Variants in PLEKHG1 observed in about 807,000 individuals in gnomAD.
The protein encoded by PLEKHG1 is pleckstrin homology and RhoGEF domain containing G1, also known as pleckstrin homology domain-containing family G member 1.
A neutral mutation model predicts 100.8 loss-of-function variants in PLEKHG1; 44 were observed. The observed-to-expected ratio is 0.44, with a 90% confidence interval of 0.34 to 0.56. The LOEUF (loss-of-function observed/expected upper bound fraction) is 0.56. Among genes scored for constraint, PLEKHG1 ranks in the 20% least tolerant of loss-of-function variants. The probability of loss-of-function intolerance (pLI) is 0.01; values close to 1 mark genes in which losing one functional copy is unlikely to be tolerated. For synonymous variants in PLEKHG1, 640 were observed against 662.5 expected (o/e 0.97, Z 0.52); for missense variants, 1,545 against 1,720.9 (o/e 0.90, Z 1.81).
At chr6:150,798,883 G>A (rs1431098473) in intron 5 of PLEKHG1, among the ~76,000 whole-genome samples, 2 of 152,076 alleles carry the variant, frequency 1.3e-5, no homozygotes, top group African/African-American at 2.4e-5. Flanking sequence ...TGGGATTACC[G>A]GCACATGCCA....
At chr6:150,660,587 T>C (rs1779145004) in intron 3 of PLEKHG1, among the ~76,000 whole-genome samples, 1 of 152,230 alleles carries the variant, frequency 6.6e-6, no homozygotes, top group Non-Finnish European at 1.5e-5. Context: ...ATGTGGCATC[T>C]TTCAGTTGAC....
intron 2 of PLEKHG1, among the ~76,000 whole-genome samples, chr6:150,759,468 G>A (rs1013103311): frequency 2.0e-5 from 3 of 152,084 alleles, no homozygotes; most frequent in Non-Finnish European, 4.4e-5. Context: ...CTGTGTTAAG[G>A]TATAAAACCT....
chr6:150,679,921 C>CAGTG (rs894888387), intron 3 of PLEKHG1, among the ~76,000 whole-genome samples: 2 of 152,108 alleles, frequency 1.3e-5, no homozygotes, highest in African/African-American at 4.8e-5. Flanking sequence ...TGTGGAGAGA[C>CAGTG]AGTGAGCTTT....
chr6:150,819,908 T>C (rs1776202663), intron 12 of PLEKHG1, 134 bp downstream of exon 13: 1 of 649,768 alleles, frequency 1.5e-6, no homozygotes, highest in Admixed American at 2.3e-5. Flanking sequence ...TGCGGCTGCC[T>C]TAAGATGGGA....
intron 2 of PLEKHG1, among the ~76,000 whole-genome samples, chr6:150,647,408 T>C (rs1260368785): frequency 2.0e-5 from 3 of 152,230 alleles, no homozygotes; most frequent in African/African-American, 7.2e-5. Context: ...TTTTAGACAC[T>C]GTAGTTAAAA....
intron 2 of PLEKHG1, among the ~76,000 whole-genome samples, chr6:150,649,822 T>C (rs1199393038): frequency 3.9e-5 from 6 of 151,908 alleles, no homozygotes; most frequent in African/African-American, 1.2e-4. Context: ...CCATCCTGGC[T>C]AACACAGTGA....
rs141591325 is a variant in PLEKHG1, at chr6:150,666,945, A to G, written c.-99+16159A>G. On this transcript the variant is annotated intron_variant, in intron 3 of 3. Coordinates refer to the PLEKHG1 transcript ENST00000367326. The stretch of plus-strand genomic sequence containing the variant: ...CCGGCTAATTTTTTTATATTTTAGT[A>G]TATGGAGTTTCACCGCGTTAGCCAG... 6.2e-3 allele frequency among the ~76,000 whole-genome samples: 948 copies of G among 152,122 alleles called. 10 individuals are homozygous for G. The highest frequency in any genetic ancestry group is 0.021 in the African/African-American group (882 of 41,482).
chr6:150,711,295 C>T (rs1334155759), intron 3 of PLEKHG1, among the ~76,000 whole-genome samples: 3 of 152,126 alleles, frequency 2.0e-5, no homozygotes, highest in African/African-American at 7.2e-5. Context: ...CTTTGACCTC[C>T]CTGCACCGCT....
intron 9 of PLEKHG1, 49 bp downstream of exon 10, chr6:150,809,525 G>A (rs377233860): frequency 2.1e-5 from 32 of 1,525,800 alleles, no homozygotes; most frequent in Non-Finnish European, 2.6e-5. Flanking sequence ...GTGTAATGAT[G>A]AGTGCTGTGT....
chr6:150,813,029 G>A (rs1279966753), intron 10 of PLEKHG1, among the ~76,000 whole-genome samples: 3 of 152,140 alleles, frequency 2.0e-5, no homozygotes. Context: ...TTGCTGGCCG[G>A]GCGCGGTGGC....
exon 1 of PLEKHG1, chr6:150,721,141 G>A: frequency 9.1e-6 from 9 of 985,350 alleles, no homozygotes; most frequent in Non-Finnish European, 1.1e-5. Context: ...TCTTTTACCT[G>A]ACTGAGGTCA....
chr6:150,753,771 A>C (rs535490398), intron 2 of PLEKHG1, among the ~76,000 whole-genome samples: 1 of 152,344 alleles, frequency 6.6e-6, no homozygotes, highest in African/African-American at 2.4e-5. Context: ...TGTCATCTTC[A>C]AGAGGTGGTG....
chr6:150,655,355 C>T (rs1369829524), intron 3 of PLEKHG1, among the ~76,000 whole-genome samples: 1 of 152,182 alleles, frequency 6.6e-6, no homozygotes, highest in African/African-American at 2.4e-5. Context: ...CGGCACTGCT[C>T]ACAATAGTGA....
chr6:150,746,800 G>A (rs1423122478), intron 2 of PLEKHG1, among the ~76,000 whole-genome samples: 1 of 152,212 alleles, frequency 6.6e-6, no homozygotes, highest in East Asian at 1.9e-4. Context: ...CAGAGTGAGT[G>A]CATTAAAGGA....
intron 3 of PLEKHG1, among the ~76,000 whole-genome samples, chr6:150,681,770 G>A (rs1174268719): frequency 2.6e-5 from 4 of 152,134 alleles, no homozygotes; most frequent in African/African-American, 9.7e-5. Flanking sequence ...TTGAGGCCCT[G>A]TAGTGCAGGG....
intron 4 of PLEKHG1, among the ~76,000 whole-genome samples, chr6:150,787,489 C>G (rs10484778): frequency 8.9e-4 from 135 of 152,306 alleles, no homozygotes; most frequent in African/African-American, 3.1e-3. Flanking sequence ...GTTTGGAAAG[C>G]CTTTAGCAGA....
chr6:150,792,668 C>G (rs1786063270), intron 4 of PLEKHG1, among the ~76,000 whole-genome samples: 1 of 146,402 alleles, frequency 6.8e-6, no homozygotes, highest in Non-Finnish European at 1.5e-5. Context: ...AGCAAGACTC[C>G]ATCTCAAAAC....
chr6:150,618,884 G>T (rs62434062), intron 1 of PLEKHG1, among the ~76,000 whole-genome samples: 12,071 of 152,140 alleles, frequency 0.079, 552 homozygotes, highest in Non-Finnish European at 0.1. Flanking sequence ...TTCGAGACTA[G>T]CTTGGACAGC....
intron 1 of PLEKHG1, among the ~76,000 whole-genome samples, chr6:150,601,951 G>C (rs959700895): frequency 2.0e-5 from 3 of 152,162 alleles, no homozygotes; most frequent in Non-Finnish European, 4.4e-5. Context: ...AAATATTTCA[G>C]TGGGGGATTC....
Sources: allele counts gnomAD v4.1 joint callset (sites outside exome capture counted in the v4.1 genomes callset), GRCh38; gene constraint gnomAD v4.1.1; transcripts MANE v1.5; gene names NCBI Gene and HGNC (gene_info 2026-07-23, HGNC 2026-07-21).